TNIK: variants seen among roughly 807,000 people sequenced by gnomAD.
TNIK encodes TRAF2 and NCK-interacting protein kinase.
A neutral mutation model predicts 191.3 loss-of-function variants in TNIK; 49 were observed. That is an observed-to-expected ratio of 0.26 (90% CI 0.20 to 0.32). The LOEUF (loss-of-function observed/expected upper bound fraction) is 0.32. Ranked by LOEUF, TNIK falls within the 10% of genes least tolerant of loss-of-function variation. The pLI is 1.00. For missense variants in TNIK, 1,155 were observed against 1,702.3 expected, an observed-to-expected ratio of 0.68 and a Z score of 5.66; for synonymous variants, 594 against 600.9, an observed-to-expected ratio of 0.99 and a Z score of 0.17.
chr3:171,260,523 CG>C (rs1560335399), intron 2 of TNIK, among the ~76,000 whole-genome samples: 1 of 152,002 alleles, frequency 6.6e-6, no homozygotes, highest in African/African-American at 2.4e-5. Flanking sequence ...TTGATTTGGC[CG>C]GGGTGGATGG....
At chr3:171,382,012 G>C (rs1340656931) in intron 1 of TNIK, among the ~76,000 whole-genome samples, 1 of 152,164 alleles carries the variant, frequency 6.6e-6, no homozygotes, top group African/African-American at 2.4e-5. Context: ...TCTTGAAAGA[G>C]AAACAAACTT....
intron 2 of TNIK, among the ~76,000 whole-genome samples, chr3:171,363,911 T>C (rs1281461246): frequency 6.6e-6 from 1 of 152,158 alleles, no homozygotes; most frequent in African/African-American, 2.4e-5. Context: ...AACAGGCGGG[T>C]ATCACATCTC....
chr3:171,446,689 A>G (rs991574935), intron 1 of TNIK, among the ~76,000 whole-genome samples: 2 of 152,220 alleles, frequency 1.3e-5, no homozygotes, highest in African/African-American at 4.8e-5. Flanking sequence ...TGAAAGCACA[A>G]CTTAAGATTT....
At chr3:171,103,196 A>C (rs1305600270) in intron 21 of TNIK, among the ~76,000 whole-genome samples, 2 of 149,698 alleles carry the variant, frequency 1.3e-5, no homozygotes, top group East Asian at 3.9e-4. Context: ...GCACACATGC[A>C]CATTTGCACA....
intron 1 of TNIK, among the ~76,000 whole-genome samples, chr3:171,409,983 A>G (rs1722173781): frequency 6.6e-6 from 1 of 151,980 alleles, no homozygotes; most frequent in African/African-American, 2.4e-5. Flanking sequence ...TGCCAGAGAA[A>G]GGGAAATTTA....
chr3:171,241,016 G>A (rs1744901906), intron 2 of TNIK, among the ~76,000 whole-genome samples: 1 of 148,938 alleles, frequency 6.7e-6, no homozygotes, highest in Non-Finnish European at 1.5e-5. Flanking sequence ...AAGTCCTTCT[G>A]TTTCTTTTTT....
chr3:171,308,906 G>C (rs1276307686), intron 2 of TNIK, among the ~76,000 whole-genome samples: 1 of 152,160 alleles, frequency 6.6e-6, no homozygotes, highest in East Asian at 1.9e-4. Context: ...AACAGATGCT[G>C]ACAAGGCTGT....
At chr3:171,211,404 A>T (rs1740804602) in intron 3 of TNIK, among the ~76,000 whole-genome samples, 163 bp from the exon 4 acceptor site, 1 of 152,156 alleles carries the variant, frequency 6.6e-6, no homozygotes, top group African/African-American at 2.4e-5. Flanking sequence ...AACATAATAC[A>T]TTGGCTGTCC....
intron 2 of TNIK, among the ~76,000 whole-genome samples, chr3:171,363,677 A>C (rs1715303783): frequency 6.6e-6 from 1 of 152,202 alleles, no homozygotes; most frequent in South Asian, 2.1e-4. Context: ...ACTATTAATA[A>C]ACTTGCTATT....
In TNIK at chr3:171,191,561, G is replaced by A. The variant is rs1024698522; in HGVS notation, c.418-774C>T. The stretch of plus-strand genomic sequence containing the variant: ...CCTTGTTATACAATTTTAATTAAGC[G>A]AAGTAAAATATTTCTCAGACCAGCC... On this transcript the variant is annotated intron_variant, in intron 5 of 32. Transcript: ENST00000436636. 9.2e-5 allele frequency among the ~76,000 whole-genome samples: 14 copies of A among 152,302 alleles called. No individual in the cohort carries two copies. The East Asian group carries it at 1.5e-3, about 17-fold the overall frequency.
At chr3:171,451,872 C>G (rs1728215822) in intron 1 of TNIK, among the ~76,000 whole-genome samples, 1 of 152,236 alleles carries the variant, frequency 6.6e-6, no homozygotes, top group South Asian at 2.1e-4. Flanking sequence ...TCTTCCCCTA[C>G]AGTTAATCAC....
chr3:171,230,525 C>G (rs1213120598), intron 2 of TNIK, among the ~76,000 whole-genome samples: 1 of 152,134 alleles, frequency 6.6e-6, no homozygotes. Context: ...TTCTGCCATA[C>G]CACCTTGGTA....
At chr3:171,114,890 A>G (rs552041022) in intron 18 of TNIK, among the ~76,000 whole-genome samples, 1 of 152,374 alleles carries the variant, frequency 6.6e-6, no homozygotes, top group Non-Finnish European at 1.5e-5. Context: ...TAAATGTGTA[A>G]TAGCTCTGAA....
In TNIK at chr3:171,167,219, G is replaced by A. The variant is rs757205401; in HGVS notation, c.825C>T (p.Ser275=). ...TCAATTGTTCTGTTGCTGGTCGCTG[G>A]CTGTGATTCTTTACCAAGCAGCTCT... ...FIESCLVKNH[S]QRPATEQLMK... Residue 275 remains serine, a synonymous_variant, in exon 10 of 33, where the codon AGC becomes AGT. Transcript: ENST00000436636. 6.2e-7 allele frequency: 1 copy of A among 1,613,900 alleles called. No individual in the cohort carries two copies.
chr3:171,281,605 C>CAGTA (rs958855643), intron 2 of TNIK, among the ~76,000 whole-genome samples: 71 of 151,582 alleles, frequency 4.7e-4, no homozygotes, highest in African/African-American at 1.5e-3. Flanking sequence ...AAGGAATGGG[C>CAGTA]AGTACACTTT....
At chr3:171,093,141 G>C (rs933600646) in intron 23 of TNIK, among the ~76,000 whole-genome samples, 3 of 152,156 alleles carry the variant, frequency 2.0e-5, no homozygotes, top group Admixed American at 6.5e-5. Context: ...GCATGGTGAT[G>C]ATGAAGTGAA....
chr3:171,309,647 C>A (rs1271795744), intron 2 of TNIK, among the ~76,000 whole-genome samples: 1 of 152,028 alleles, frequency 6.6e-6, no homozygotes, highest in Admixed American at 6.6e-5. Flanking sequence ...TAAACAAAAG[C>A]TTCTTGAAGT....
intron 29 of TNIK, among the ~76,000 whole-genome samples, chr3:171,070,544 A>G (rs1719056102): frequency 6.6e-6 from 1 of 152,152 alleles, no homozygotes; most frequent in South Asian, 2.1e-4. Context: ...GGCTCTGAAC[A>G]CATCTGGGTG....
rs149557109 is a variant in TNIK, at chr3:171,312,078, C to T, written c.123+57542G>A. Among the ~76,000 whole-genome samples the T allele has an allele frequency of 2.4e-3, 315 of 133,436 alleles. 4 individuals are homozygous for T. The highest frequency in any genetic ancestry group is 8.7e-3 in the African/African-American group (304 of 34,924). The allele number at this position is 133,436 out of a possible 152,430, so 87.5% of individuals were successfully genotyped here. A position where few individuals can be genotyped will look rare whatever the true frequency, so the allele number is the denominator to read the frequency against. ...GGAGACATTTTGTGGCATTGCTCTG[C>T]ACTTCCTCAGCTGTCCCTAACGGCA... On this transcript the variant is annotated intron_variant, in intron 2 of 32. Coordinates refer to ENST00000436636, the MANE Select transcript of TNIK (RefSeq NM_015028.4).
Sources: gnomAD v4.1 joint callset for allele counts (sites outside exome capture counted in the v4.1 genomes callset) on GRCh38, gnomAD v4.1.1 for gene constraint, MANE v1.5 for transcripts, NCBI Gene and HGNC (gene_info 2026-07-23, HGNC 2026-07-21) for gene names.